Variants in TSC22D4 observed in about 807,000 individuals in gnomAD.
TSC22D4 encodes the protein TSC22 domain family member 4, also known as TSC22 domain family protein 4.
A neutral mutation model predicts 24.9 loss-of-function variants in TSC22D4; 5 were observed. That is an observed-to-expected ratio of 0.20 (90% CI 0.10 to 0.42). The LOEUF (loss-of-function observed/expected upper bound fraction) is 0.42, where lower values mean the gene tolerates loss of function less well. TSC22D4 is among the 10% of genes least tolerant of loss of function. TSC22D4 has a pLI of 1.00. For synonymous variants in TSC22D4, 245 were observed against 243.2 expected (o/e 1.01, Z -0.07); for missense variants, 469 against 547.9 (o/e 0.86, Z 1.44).
Position 100,478,021 on chromosome 7 carries a change from C to T in TSC22D4, c.18G>A (p.Lys6=), listed in dbSNP as rs1440432126. Residue 6 remains lysine (K), a synonymous_variant, in exon 2 of 5, where the codon AAG becomes AAA. Coordinates refer to ENST00000300181, the MANE Select transcript of TSC22D4 (RefSeq NM_030935.5). MSGGK[K]KSSFQITSVT... is the part of the protein sequence containing the mutation. ...CGCTGGTGATTTGGAAACTACTCTT[C>T]TTCTTGCCCCCGCTCATGGTCCCTG... 4 of 1,593,008 alleles carry T rather than the reference C, an allele frequency of 2.5e-6. No homozygotes were observed. The highest frequency in any genetic ancestry group is 2.3e-5 in the South Asian group (2 of 87,492).
At chr7:100,467,629 G>A in intron 3 of TSC22D4, 29 bp from the exon 4 acceptor site, 2 of 1,612,722 alleles carry the variant, frequency 1.2e-6, no homozygotes, top group Non-Finnish European at 1.7e-6. Flanking sequence ...GTGAGGGGAG[G>A]AGAGGAGAAG....
At chr7:100,471,944 C>A (rs966656299) in intron 3 of TSC22D4, among the ~76,000 whole-genome samples, 1 of 152,028 alleles carries the variant, frequency 6.6e-6, no homozygotes, top group Non-Finnish European at 1.5e-5. Context: ...CTGGATCCCC[C>A]AGGCCGGTCA....
In TSC22D4 at chr7:100,477,215, A is replaced by C; in HGVS notation, c.762+62T>G. Reference sequence around the variant, plus strand: ...GAGGAGAGGGGGGGGAGGAGGAGGAAGGAGGCTCAAGATAGAGGTTAGGCC... The same window carrying C: ...GAGGAGAGGGGGGGGAGGAGGAGGACGGAGGCTCAAGATAGAGGTTAGGCC... On this transcript the variant is annotated intron_variant, in intron 2 of 4. Transcript: ENST00000300181. The surrounding 1 kb of genome is among the most constrained non-coding windows in gnomAD (Gnocchi z 7.8). The C allele has an allele frequency of 6.3e-6, 8 of 1,271,478 alleles. No individual in the cohort carries two copies. Among genetic ancestry groups the C allele is most frequent in the Non-Finnish European group, 7.2e-6 (7 of 969,138 alleles). The allele number at this position is 1,271,478 out of a possible 1,614,324, so 78.8% of individuals were successfully genotyped here.
At position 100,477,891 on chromosome 7, in the gene TSC22D4, G is replaced by A. The variant is rs752400390; in HGVS notation, c.148C>T (p.Pro50Ser). The A allele has an allele frequency of 1.9e-6, 3 of 1,572,884 alleles. No individual in the cohort carries two copies. In the Admixed American group the frequency reaches 5.6e-5, roughly 30 times the overall value. Residue 50 changes from proline to serine, a missense_variant, in exon 2 of 5, where the codon CCC becomes TCC. By Grantham distance (74) the Pro-to-Ser change is moderately conservative (BLOSUM62 -1). Transcript: ENST00000300181. This position sits in a 1 kb window ranked among gnomAD's most constrained non-coding sequence, Gnocchi z 7.8. ...GGGGTGCCCTTGCCCCCCGGATCGG[G>A]GCTGGGCTCCCCATTGGGCAGGCGG... is the stretch of plus-strand genomic sequence containing the variant. Reference protein sequence around the residue: ...PPRLPNGEPSPDPGGKGTPRN... With the variant: ...PPRLPNGEPSSDPGGKGTPRN...
At chr7:100,469,092 T>TG (rs1190310599) in intron 3 of TSC22D4, among the ~76,000 whole-genome samples, 3 of 150,326 alleles carry the variant, frequency 2.0e-5, no homozygotes, top group East Asian at 1.9e-4. Context: ...CTGGGCATGG[T>TG]GGGGGGTGCC....
chr7:100,477,423 T>C lies in TSC22D4; in HGVS notation c.616A>G (p.Thr206Ala), dbSNP rs778088934. The C allele has an allele frequency of 2.5e-6, 4 of 1,589,134 alleles. No homozygotes were observed. In the African/African-American group the frequency reaches 5.4e-5, roughly 21 times the overall value. Residue 206 changes from threonine (T) to alanine (A), a missense_variant, in exon 2 of 5, where the codon ACA (threonine) becomes GCA (alanine). Transcript: ENST00000300181. The surrounding 1 kb of genome is among the most constrained non-coding windows in gnomAD (Gnocchi z 7.8). ...PEPETGESAG[T>A]SRAATPLPSL... ...GGCAGGGGCGTGGCAGCCCGGGATG[T>C]GCCCGCACTCTCACCGGTCTCAGGC...
chr7:100,467,581 C>CA lies in TSC22D4; in HGVS notation c.948dup (p.Gly317TrpfsTer3). 6.2e-7 allele frequency: 1 copy of CA among 1,614,106 alleles called. No homozygotes were observed. Among genetic ancestry groups the CA allele is most frequent in the South Asian group, 1.1e-5 (1 of 91,076 alleles). ...GCTTGCTCGATTTTGTTGTCAATGC[C>CA]AACCAGGCTTCCGGAGCCACTGGAG... On this transcript the variant is annotated frameshift_variant, in exon 4 of 5. Transcript: ENST00000300181. LOFTEE classifies it high-confidence loss of function.
At chr7:100,470,490 A>C (rs1799371756) in intron 3 of TSC22D4, among the ~76,000 whole-genome samples, 1 of 152,174 alleles carries the variant, frequency 6.6e-6, no homozygotes, top group Non-Finnish European at 1.5e-5. Context: ...GCCTCCGGCA[A>C]AATGGGGTTT....
intron 3 of TSC22D4, among the ~76,000 whole-genome samples, chr7:100,469,457 G>C (rs1004798909): frequency 2.6e-5 from 4 of 152,182 alleles, no homozygotes; most frequent in African/African-American, 9.6e-5. Flanking sequence ...CCCCAGGGCC[G>C]GGCTCCAGGC....
intron 1 of TSC22D4, 43 bp from the exon 2 acceptor site, chr7:100,478,350 A>AGT (rs35439211): frequency 0.033 from 2,725 of 83,810 alleles, 143 homozygotes; most frequent in African/African-American, 0.038. Flanking sequence ...AGAGAGAGAG[A>AGT]GTGTGTGTGT....
chr7:100,467,038 C>G lies in TSC22D4; in HGVS notation c.1109G>C (p.Ser370Thr). The G allele has an allele frequency of 6.2e-7, 1 of 1,613,238 alleles. No homozygotes were observed. The highest frequency in any genetic ancestry group is 1.3e-5 in the African/African-American group (1 of 75,064). The change falls in exon 5 of 5, where the codon AGC becomes ACC. Residue 370 changes from serine to threonine, a missense_variant. Transcript: ENST00000300181. Reference sequence around the variant, plus strand: ...GGGCAGCTGAGCCAGCTGCTCCGGGCTGGCCAGGGCGCGCAGCAGCCCATT... The same window carrying G: ...GGGCAGCTGAGCCAGCTGCTCCGGGGTGGCCAGGGCGCGCAGCAGCCCATT... ...QENGLLRALA[S>T]PEQLAQLPSS...
chr7:100,467,297 G>T, intron 4 of TSC22D4, 129 bp from the exon 5 acceptor site: 2 of 1,065,158 alleles, frequency 1.9e-6, no homozygotes, highest in East Asian at 2.4e-5. Context: ...GGAAGGGACA[G>T]GGGAAAAGGA....
chr7:100,472,924 G>A (rs569499022), intron 3 of TSC22D4, among the ~76,000 whole-genome samples: 1 of 152,034 alleles, frequency 6.6e-6, no homozygotes, highest in East Asian at 1.9e-4. Flanking sequence ...ACCCACTCTC[G>A]AAGCCCCACC....
At chr7:100,472,833 G>A (rs1049523934) in intron 3 of TSC22D4, among the ~76,000 whole-genome samples, 1 of 151,846 alleles carries the variant, frequency 6.6e-6, no homozygotes, top group Admixed American at 6.6e-5. Context: ...TTGAGTCCCT[G>A]ATCCCAGCGA....
intron 2 of TSC22D4, among the ~76,000 whole-genome samples, chr7:100,476,607 C>G (rs934776139): frequency 6.6e-6 from 1 of 152,166 alleles, no homozygotes; most frequent in African/African-American, 2.4e-5. Flanking sequence ...CTCTCCCACT[C>G]CACAGTGGTC....
chr7:100,477,676 G>T lies in TSC22D4; in HGVS notation c.363C>A (p.Gly121=). ...GCTCCAACCTGGAATCCAAAGATCT[G>T]CCCCCGGCGCCCCCTGAGGCCCCTC... The part of the protein sequence containing the change: ...GIRGASGGAG[G]RSLDSRLELA... Residue 121 remains glycine, a synonymous_variant, in exon 2 of 5, where the codon GGC becomes GGA. Coordinates refer to ENST00000300181, the MANE Select transcript of TSC22D4 (RefSeq NM_030935.5). The surrounding 1 kb of genome is among the most constrained non-coding windows in gnomAD (Gnocchi z 7.8). 1 of 1,590,494 alleles carries T rather than the reference G, an allele frequency of 6.3e-7. No individual in the cohort carries two copies.
rs1382824552 is a variant in TSC22D4, at chr7:100,477,204, G to GC, written c.762+72_762+73insG. 90 of 1,176,716 alleles carry GC rather than the reference G, an allele frequency of 7.6e-5. No homozygotes were observed. Among genetic ancestry groups the GC allele is most frequent in the Non-Finnish European group, 1.0e-4 (89 of 882,302 alleles). 72.9% of individuals were successfully genotyped at this position (1,176,716 alleles called of 1,614,324 possible). On this transcript the variant is annotated intron_variant, in intron 2 of 4. Coordinates refer to ENST00000300181, the MANE Select transcript of TSC22D4 (RefSeq NM_030935.5). The surrounding 1 kb of genome is among the most constrained non-coding windows in gnomAD (Gnocchi z 7.8). ...TGGAGAAGGAGGAGGAGAGGGGGGG[G>GC]AGGAGGAGGAAGGAGGCTCAAGATA...
intron 3 of TSC22D4, among the ~76,000 whole-genome samples, chr7:100,470,872 T>G (rs1799378570): frequency 6.6e-6 from 1 of 152,174 alleles, no homozygotes; most frequent in Admixed American, 6.5e-5. Flanking sequence ...GCATTGACTG[T>G]GATTTCAAAT....
rs371246798 is a variant in TSC22D4 at position 100,477,375 on chromosome 7, C to A, written c.664G>T (p.Ala222Ser). The change falls in exon 2 of 5, where the codon GCT becomes TCT. Residue 222 changes from alanine (A) to serine (S), a missense_variant. Physicochemically the swap from Ala to Ser is moderately conservative, Grantham distance 99 (BLOSUM62 1). Coordinates refer to ENST00000300181, the MANE Select transcript of TSC22D4 (RefSeq NM_030935.5). This position sits in a 1 kb window ranked among gnomAD's most constrained non-coding sequence, Gnocchi z 7.8. The part of the protein sequence containing the change: ...PLPSLRVEAE[A>S]GGSGARTPPL... ...GGGGTCCTGGCCCCTGAGCCCCCAG[C>A]CTCCGCTTCCACCCTCAGAGAGGGC... 3 of 1,591,482 alleles carry A rather than the reference C, an allele frequency of 1.9e-6. No homozygotes were observed. The highest frequency in any genetic ancestry group is 2.6e-6 in the Non-Finnish European group (3 of 1,169,262).
Sources: gnomAD v4.1 joint callset for allele counts (sites outside exome capture counted in the v4.1 genomes callset) on GRCh38, gnomAD v4.1.1 for gene constraint, Gnocchi (gnomAD v3.1) non-coding constraint, MANE v1.5 for transcripts, NCBI Gene and HGNC (gene_info 2026-07-23, HGNC 2026-07-21) for gene names.